DST: variants seen among roughly 807,000 people sequenced by gnomAD.
DST encodes the protein bullous pemphigoid antigen.
A neutral mutation model predicts 875.2 loss-of-function variants in DST; 253 were observed. The observed-to-expected ratio is 0.29, with a 90% confidence interval of 0.26 to 0.32. The LOEUF is 0.32. Ranked by LOEUF, DST falls within the 10% of genes least tolerant of loss-of-function variation. The pLI, the probability that DST is intolerant of heterozygous loss-of-function variation, is 1.00. For synonymous variants in DST, 3,124 were observed against 3,197.1 expected, an observed-to-expected ratio of 0.98 and a Z score of 0.77; for missense variants, 8,287 against 9,111.6, an observed-to-expected ratio of 0.91 and a Z score of 3.68.
intron 12 of DST, among the ~76,000 whole-genome samples, chr6:56,649,822 A>T (rs1396290339): frequency 6.6e-6 from 1 of 152,226 alleles, no homozygotes; most frequent in Non-Finnish European, 1.5e-5. Flanking sequence ...GGTTTTAGAC[A>T]GATTAATTTG....
rs2097519012 is a variant in DST, at chr6:56,560,397, A to G, written c.14337T>C (p.Asn4779=). The change falls in exon 58 of 104, where the codon AAT becomes AAC. Residue 4779 remains asparagine (N), a synonymous_variant. Transcript: ENST00000680361. ...NKSFEAELKQ[N]VNKVQELKDK... ...CTTTCAACTCCTGTACTTTGTTTACATTCTGCTTCAGTTCTGCCTCAAACG... is the reference window on the plus strand; with the variant it reads ...CTTTCAACTCCTGTACTTTGTTTACGTTCTGCTTCAGTTCTGCCTCAAACG... The G allele has an allele frequency of 2.5e-6, 4 of 1,601,740 alleles. No homozygotes were observed. The highest frequency in any genetic ancestry group is 4.5e-5 in the East Asian group (2 of 44,636).
At chr6:56,496,702 A>G (rs1316800228) in intron 82 of DST, among the ~76,000 whole-genome samples, 15 of 152,126 alleles carry the variant, frequency 9.9e-5, no homozygotes, top group Non-Finnish European at 2.2e-4. Flanking sequence ...TAGAATTCTA[A>G]AACATACTGA....
chr6:56,647,405 C>T (rs980636737), intron 13 of DST, among the ~76,000 whole-genome samples: 2 of 152,120 alleles, frequency 1.3e-5, no homozygotes, highest in Non-Finnish European at 2.9e-5. Context: ...ACAAACTCCC[C>T]GTGGCAATGA....
intron 27 of DST, among the ~76,000 whole-genome samples, chr6:56,633,269 C>CA (rs2098797332): frequency 6.9e-6 from 1 of 145,918 alleles, no homozygotes; most frequent in Non-Finnish European, 1.5e-5. Flanking sequence ...CTCTGTCGCC[C>CA]AGGCTGGAGT....
intron 36 of DST, chr6:56,619,363 C>A (rs760185197): frequency 4.3e-6 from 7 of 1,613,500 alleles, no homozygotes; most frequent in South Asian, 1.1e-5. Context: ...CTTCATTGAG[C>A]CTTTGGATTT....
At chr6:56,758,783 T>A (rs1298429533) in intron 4 of DST, among the ~76,000 whole-genome samples, 1 of 151,370 alleles carries the variant, frequency 6.6e-6, no homozygotes, top group African/African-American at 2.4e-5. Context: ...AACTACTTTG[T>A]GGTAATTCAA....
At chr6:56,541,334 C>A (rs772237279) in intron 61 of DST, 1 of 152,714 alleles carries the variant, frequency 6.5e-6, no homozygotes, top group Non-Finnish European at 1.5e-5. Context: ...ACCATTAGAG[C>A]ATAAAGAACT....
chr6:56,463,770 T>A lies in DST; in HGVS notation c.22760-6A>T. The A allele has an allele frequency of 6.2e-7, 1 of 1,613,840 alleles. No homozygotes were observed. Among genetic ancestry groups the A allele is most frequent in the East Asian group, 2.2e-5 (1 of 44,878 alleles). ...CATGTTTGTCCTTCCTTTGGCTGGG[T>A]TATACACACACAACAATGCACACAA... On this transcript the variant is annotated splice_region_variant and splice_polypyrimidine_tract_variant and intron_variant, in intron 100 of 103. Coordinates refer to ENST00000680361, the MANE Select transcript of DST (RefSeq NM_001374736.1).
At chr6:56,701,347 A>G (rs149577517) in intron 8 of DST, among the ~76,000 whole-genome samples, 1,750 of 152,170 alleles carry the variant, frequency 0.012, 28 homozygotes, top group African/African-American at 0.04. Flanking sequence ...ACCTCAAGCA[A>G]GTTGGGGGCT....
intron 12 of DST, among the ~76,000 whole-genome samples, chr6:56,649,828 A>G (rs2098964124): frequency 6.6e-6 from 1 of 152,218 alleles, no homozygotes; most frequent in African/African-American, 2.4e-5. Context: ...AGACAGATTA[A>G]TTTGGCAACA....
Position 56,870,794 on chromosome 6 carries a change from T to C in DST, c.418-19190A>G, listed in dbSNP as rs143323994. ...AAACAAGGCCCCACTGGTGAAACTA[T>C]AGAAACAACAGACACAAATCCATAG... On this transcript the variant is annotated intron_variant, in intron 3 of 103. Transcript: ENST00000680361. 4.6e-5 allele frequency among the ~76,000 whole-genome samples: 7 copies of C among 152,128 alleles called. No individual in the cohort carries two copies. The East Asian group carries it at 5.8e-4, about 13-fold the overall frequency.
chr6:56,705,765 A>C (rs1380879566), intron 5 of DST, among the ~76,000 whole-genome samples: 1 of 152,222 alleles, frequency 6.6e-6, no homozygotes, highest in Non-Finnish European at 1.5e-5. Context: ...GCTTAGGCTC[A>C]ATAGCTCTAC....
intron 5 of DST, among the ~76,000 whole-genome samples, chr6:56,730,239 TC>T (rs573556923): frequency 2.1e-3 from 314 of 152,232 alleles, no homozygotes; most frequent in African/African-American, 7.1e-3. Flanking sequence ...CTTAAACTAC[TC>T]CTCCTAAACA....
chr6:56,745,296 G>T (rs2099569187), intron 4 of DST, among the ~76,000 whole-genome samples: 1 of 152,130 alleles, frequency 6.6e-6, no homozygotes, highest in African/African-American at 2.4e-5. Context: ...AATAAATATT[G>T]TCTGCCTCTG....
At chr6:56,886,378 C>T (rs1739585851) in intron 3 of DST, among the ~76,000 whole-genome samples, 1 of 152,156 alleles carries the variant, frequency 6.6e-6, no homozygotes, top group South Asian at 2.1e-4. Flanking sequence ...ATAATATATG[C>T]CATACCCAAC....
Position 56,618,526 on chromosome 6 carries a change from T to C in DST, c.4930-4042A>G, listed in dbSNP as rs1208195857. 4.3e-6 allele frequency: 7 copies of C among 1,614,114 alleles called. No individual in the cohort carries two copies. The highest frequency in any genetic ancestry group is 5.9e-6 in the Non-Finnish European group (7 of 1,180,048). ...GGTTTTCAACCTCACGCTTCTGGGC[T>C]ATCAGCTCATCCTCAAGTTTCTGAC... On this transcript the variant is annotated intron_variant, in intron 36 of 103. Transcript: ENST00000680361.
intron 5 of DST, among the ~76,000 whole-genome samples, chr6:56,729,890 C>T (rs538808070): frequency 3.3e-5 from 5 of 152,230 alleles, no homozygotes; most frequent in South Asian, 2.1e-4. Flanking sequence ...TTTCCAAAGT[C>T]GTGATGGAAC....
chr6:56,896,840 GTTCAT>G (rs1323723558), intron 3 of DST, among the ~76,000 whole-genome samples: 1 of 152,166 alleles, frequency 6.6e-6, no homozygotes, highest in Non-Finnish European at 1.5e-5. Context: ...ATTTGTTTGA[GTTCAT>G]TGTAGATTCT....
At chr6:56,950,679 G>A (rs1427254956) in intron 2 of DST, among the ~76,000 whole-genome samples, 1 of 152,156 alleles carries the variant, frequency 6.6e-6, no homozygotes, top group Non-Finnish European at 1.5e-5. Flanking sequence ...AAAACACTGT[G>A]TAAGTGTTTA....
Sources: gnomAD v4.1 joint callset for allele counts (sites outside exome capture counted in the v4.1 genomes callset) on GRCh38, gnomAD v4.1.1 for gene constraint, MANE v1.5 for transcripts, NCBI Gene and HGNC (gene_info 2026-07-23, HGNC 2026-07-21) for gene names.